BTD: variants seen among roughly 807,000 people sequenced by gnomAD.
BTD encodes biotinidase, also known as biocytinase.
A neutral mutation model predicts 17.7 loss-of-function variants in BTD; 13 were observed. The ratio of observed to expected loss-of-function variants is 0.74; its 90% confidence interval spans 0.48 to 1.17. BTD has a LOEUF of 1.17. BTD is among the 50% of genes most tolerant of loss of function. The probability of loss-of-function intolerance (pLI) is 0.00; values close to 1 mark genes in which losing one functional copy is unlikely to be tolerated. For missense variants in BTD, 674 were observed against 650.4 expected, an observed-to-expected ratio of 1.04 and a Z score of -0.39; for synonymous variants, 240 against 245.2, an observed-to-expected ratio of 0.98 and a Z score of 0.20.
At position 15,653,627 on chromosome 3, in the gene BTD, G is replaced by A. The variant is rs1490865076; in HGVS notation, c.*8139G>A. Among the ~76,000 whole-genome samples, 1 of 152,200 alleles carries A rather than the reference G, an allele frequency of 6.6e-6. No homozygotes were observed. The highest frequency in any genetic ancestry group is 2.4e-5 in the African/African-American group (1 of 41,440). Reference sequence around the variant, plus strand: ...TTTTCTCTAAGTACTGGAATGTAATGGTTGAAATTCCTATTCAGTGATCTG... The same window carrying A: ...TTTTCTCTAAGTACTGGAATGTAATAGTTGAAATTCCTATTCAGTGATCTG... On this transcript the variant is annotated 3_prime_UTR_variant, in exon 4 of 4. Coordinates refer to ENST00000643237, the MANE Select transcript of BTD (RefSeq NM_001370658.1).
intron 1 of BTD, chr3:15,602,253 T>C: frequency 1.6e-6 from 2 of 1,275,464 alleles, no homozygotes; most frequent in Non-Finnish European, 2.0e-6. Context: ...TCCTGAATCC[T>C]GTTTCCTACC....
At chr3:15,688,354 C>G (rs2068392403) in intron 3 of BTD, among the ~76,000 whole-genome samples, 1 of 152,150 alleles carries the variant, frequency 6.6e-6, no homozygotes, top group African/African-American at 2.4e-5. Flanking sequence ...TGAAACTGAA[C>G]TCAAGTGACC....
intron 2 of BTD, among the ~76,000 whole-genome samples, chr3:15,636,615 C>T (rs1191067417): frequency 6.6e-6 from 1 of 152,204 alleles, no homozygotes; most frequent in Non-Finnish European, 1.5e-5. Flanking sequence ...GCAACACTTT[C>T]CTGCTCTCTG....
rs576974755 is a variant in BTD, at chr3:15,660,519, A to C, written c.399+18462A>C. On this transcript the variant is annotated intron_variant, in intron 3 of 3. Coordinates refer to the BTD transcript ENST00000672141. The stretch of plus-strand genomic sequence containing the variant: ...ATCCAATGTCTTACAATTGAACACT[A>C]AGAAGCCACCAAGGATCACATTTAT... Among the ~76,000 whole-genome samples the C allele has an allele frequency of 2.0e-5, 3 of 152,328 alleles. No homozygotes were observed. The East Asian group carries it at 5.8e-4, about 29-fold the overall frequency.
chr3:15,617,116 A>G (rs752212900), intron 1 of BTD, among the ~76,000 whole-genome samples: 5 of 152,212 alleles, frequency 3.3e-5, no homozygotes, highest in Non-Finnish European at 7.4e-5. Context: ...TATAGGCATG[A>G]GCCACCATGC....
At chr3:15,673,087 C>G (rs997049832) in intron 3 of BTD, among the ~76,000 whole-genome samples, 4 of 152,174 alleles carry the variant, frequency 2.6e-5, no homozygotes, top group African/African-American at 9.7e-5. Flanking sequence ...AGTTTTATCT[C>G]TTAACATGCC....
intron 3 of BTD, among the ~76,000 whole-genome samples, chr3:15,700,024 G>A (rs892511029): frequency 2.6e-5 from 4 of 152,168 alleles, no homozygotes; most frequent in African/African-American, 7.2e-5. Flanking sequence ...AGAAAATGTG[G>A]CACATATACA....
chr3:15,708,676 A>G (rs1449424237), intron 3 of BTD, among the ~76,000 whole-genome samples: 6 of 152,160 alleles, frequency 3.9e-5, no homozygotes, highest in African/African-American at 1.4e-4. Flanking sequence ...TTCCAAAGCC[A>G]AAGTGATTTT....
intron 3 of BTD, among the ~76,000 whole-genome samples, chr3:15,689,638 C>T (rs1188073898): frequency 1.3e-5 from 2 of 152,108 alleles, no homozygotes; most frequent in Admixed American, 6.6e-5. Flanking sequence ...AGGTTTTAAG[C>T]CAGGCACAAA....
chr3:15,615,625 T>G (rs1217196246), intron 1 of BTD, among the ~76,000 whole-genome samples: 1 of 152,240 alleles, frequency 6.6e-6, no homozygotes, highest in Non-Finnish European at 1.5e-5. Flanking sequence ...AGTTTTATGC[T>G]CACAATAAAA....
chr3:15,695,122 T>A, intron 3 of BTD: 4 of 1,286,140 alleles, frequency 3.1e-6, no homozygotes, highest in Non-Finnish European at 3.3e-6. Flanking sequence ...AGCAAACAGA[T>A]AAACATAACT....
chr3:15,659,958 G>A (rs749160897), intron 3 of BTD, among the ~76,000 whole-genome samples: 9 of 152,182 alleles, frequency 5.9e-5, no homozygotes, highest in Non-Finnish European at 1.0e-4. Flanking sequence ...AAGTGACAGC[G>A]TTCAGATTCT....
chr3:15,616,454 A>G (rs2064795566), intron 1 of BTD, among the ~76,000 whole-genome samples: 1 of 152,036 alleles, frequency 6.6e-6, no homozygotes, highest in Non-Finnish European at 1.5e-5. Context: ...TGTCTCTACT[A>G]AAAATACAAA....
chr3:15,602,853 A>G (rs1260299797), intron 1 of BTD, among the ~76,000 whole-genome samples: 1 of 152,118 alleles, frequency 6.6e-6, no homozygotes, highest in African/African-American at 2.4e-5. Flanking sequence ...GTCCATTTTC[A>G]TACTGCTATA....
chr3:15,622,865 A>G (rs1177297894), intron 1 of BTD, among the ~76,000 whole-genome samples: 2 of 152,194 alleles, frequency 1.3e-5, no homozygotes, highest in Admixed American at 1.3e-4. Flanking sequence ...TTATGTAGCT[A>G]TTCTTGCTTT....
chr3:15,680,967 T>C (rs1031892451), intron 3 of BTD, among the ~76,000 whole-genome samples: 1 of 152,100 alleles, frequency 6.6e-6, no homozygotes, highest in Non-Finnish European at 1.5e-5. Context: ...ACGGCCAACA[T>C]TTTGTTTTTA....
intron 3 of BTD, among the ~76,000 whole-genome samples, chr3:15,700,828 G>GA (rs1049782485): frequency 2.7e-5 from 4 of 150,176 alleles, no homozygotes; most frequent in Non-Finnish European, 4.4e-5. Context: ...TATTACAGCA[G>GA]AAAAAAAAAG....
At chr3:15,716,227 C>T (rs1235023835), downstream of BTD, among the ~76,000 whole-genome samples, 1 of 151,562 alleles carries the variant, frequency 6.6e-6, no homozygotes, top group Non-Finnish European at 1.5e-5. Flanking sequence ...AGTAATCCAC[C>T]CGCCTCGGCC....
At chr3:15,715,415 G>T (rs1409569021), downstream of BTD, among the ~76,000 whole-genome samples, 1 of 152,170 alleles carries the variant, frequency 6.6e-6, no homozygotes, top group African/African-American at 2.4e-5. Context: ...GTACAACGCA[G>T]ATATTCTTTA....
Sources: allele counts gnomAD v4.1 joint callset (sites outside exome capture counted in the v4.1 genomes callset), GRCh38; gene constraint gnomAD v4.1.1; transcripts MANE v1.5; gene names NCBI Gene and HGNC (gene_info 2026-07-23, HGNC 2026-07-21).